Variants in CNBD1 observed in about 807,000 individuals in gnomAD.
CNBD1 encodes the protein cyclic nucleotide-binding domain-containing protein 1.
CNBD1 carries 71 observed loss-of-function variants against 54.4 expected under a neutral mutation model. The observed-to-expected ratio is 1.30, with a 90% CI of 1.08 to 1.59. The LOEUF is 1.59. Ranked by LOEUF, CNBD1 falls within the 40% of genes most tolerant of loss-of-function variation. The pLI is 0.00. For missense variants in CNBD1, 659 were observed against 518.0 expected (o/e 1.27, Z -2.64); for synonymous variants, 182 against 170.7 (o/e 1.07, Z -0.51).
chr8:87,249,497 C>T (rs1052656496), intron 6 of CNBD1, among the ~76,000 whole-genome samples: 1 of 152,060 alleles, frequency 6.6e-6, no homozygotes, highest in African/African-American at 2.4e-5. Context: ...AAAACATTTC[C>T]ACAAAATGCA....
At chr8:87,381,394 A>G (rs1032881122) in intron 10 of CNBD1, among the ~76,000 whole-genome samples, 1 of 152,004 alleles carries the variant, frequency 6.6e-6, no homozygotes, top group Non-Finnish European at 1.5e-5. Flanking sequence ...GTTGACAGGG[A>G]TGTGGAGAAA....
rs577358595 is a variant in CNBD1, at chr8:87,402,583, G to A, written c.214-25963G>A. 1.1e-3 allele frequency among the ~76,000 whole-genome samples: 170 copies of A among 152,114 alleles called. 1 individual carries two copies. Among genetic ancestry groups the A allele is most frequent in the African/African-American group, 2.6e-3 (110 of 41,530 alleles). On this transcript the variant is annotated intron_variant, in intron 2 of 7. Coordinates refer to the CNBD1 transcript ENST00000521593. ...ACAGAGGCAAAATATCAATTGTGTGGGAGTCCAAACTTTATTCATTGTTTC... is the reference window on the plus strand; with the variant it reads ...ACAGAGGCAAAATATCAATTGTGTGAGAGTCCAAACTTTATTCATTGTTTC...
At chr8:87,308,158 T>C (rs1586000480) in intron 8 of CNBD1, among the ~76,000 whole-genome samples, 1 of 152,072 alleles carries the variant, frequency 6.6e-6, no homozygotes, top group African/African-American at 2.4e-5. Context: ...CTGGCTGGAG[T>C]TGGGTTACAT....
At position 87,347,730 on chromosome 8, in the gene CNBD1, A is replaced by G. The variant is rs1810202754; in HGVS notation, c.1043-3955A>G. Reference sequence around the variant, plus strand: ...AATCTGGATAATCTCTTCTTCCTTGATCTGTAGATGGCTCCATAGACATAG... The same window carrying G: ...AATCTGGATAATCTCTTCTTCCTTGGTCTGTAGATGGCTCCATAGACATAG... On this transcript the variant is annotated intron_variant, in intron 8 of 10. Coordinates refer to ENST00000518476, the MANE Select transcript of CNBD1 (RefSeq NM_173538.3). 2.0e-5 allele frequency among the ~76,000 whole-genome samples: 3 copies of G among 152,124 alleles called. No homozygotes were observed. The South Asian group carries it at 6.2e-4, about 31-fold the overall frequency.
At chr8:87,293,861 T>C (rs1254632962) in intron 8 of CNBD1, among the ~76,000 whole-genome samples, 1 of 152,124 alleles carries the variant, frequency 6.6e-6, no homozygotes, top group Non-Finnish European at 1.5e-5. Flanking sequence ...CATAAGCCAA[T>C]ATATGGTTTT....
intron 4 of CNBD1, among the ~76,000 whole-genome samples, chr8:87,087,357 A>G (rs1811121147): frequency 6.7e-6 from 1 of 149,786 alleles, no homozygotes; most frequent in Non-Finnish European, 1.5e-5. Flanking sequence ...GGGGATGAAG[A>G]GAAATCACTG....
intron 6 of CNBD1, among the ~76,000 whole-genome samples, chr8:87,260,059 C>T (rs1357426645): frequency 1.3e-5 from 2 of 152,108 alleles, no homozygotes; most frequent in Non-Finnish European, 1.5e-5. Context: ...AGAATCAAAC[C>T]TCGACTGCCA....
chr8:87,141,333 T>A (rs1311795499), intron 4 of CNBD1, among the ~76,000 whole-genome samples: 1 of 152,158 alleles, frequency 6.6e-6, no homozygotes, highest in African/African-American at 2.4e-5. Context: ...GCATTTGATG[T>A]TGATTTCTAT....
intron 8 of CNBD1, 66 bp from the exon 9 acceptor site, chr8:87,351,619 T>C: frequency 2.2e-6 from 3 of 1,371,244 alleles, no homozygotes; most frequent in East Asian, 5.8e-5. Flanking sequence ...CTTTTGTTGC[T>C]AAAATATCTA....
intron 4 of CNBD1, among the ~76,000 whole-genome samples, chr8:87,160,047 A>G (rs572896256): frequency 1.3e-5 from 2 of 152,144 alleles, no homozygotes; most frequent in East Asian, 1.9e-4. Context: ...ATTCCTAGAT[A>G]TATATACACA....
intron 4 of CNBD1, among the ~76,000 whole-genome samples, chr8:87,005,189 G>T (rs1334153256): frequency 1.3e-5 from 2 of 151,746 alleles, no homozygotes; most frequent in Non-Finnish European, 2.9e-5. Flanking sequence ...CGAGACCATG[G>T]TGAAACCCGG....
rs74493728 is a variant in CNBD1 at position 87,024,950 on chromosome 8, AACTG to A, written c.431+85200_431+85203del. Reference sequence around the variant, plus strand: ...AAAATAACTTTCCTGAGTGCATAGAAACTGACTAAGAATCAGACAAAGAGGCTAA... The same window carrying A: ...AAAATAACTTTCCTGAGTGCATAGAAACTAAGAATCAGACAAAGAGGCTAA... On this transcript the variant is annotated intron_variant, in intron 4 of 10. Transcript: ENST00000518476. 1.7e-3 allele frequency among the ~76,000 whole-genome samples: 266 copies of A among 152,312 alleles called. 7 individuals are homozygous for A. In the East Asian group the frequency reaches 0.043, roughly 24 times the overall value.
chr8:86,943,571 T>C (rs1586152049), intron 4 of CNBD1, among the ~76,000 whole-genome samples: 1 of 151,882 alleles, frequency 6.6e-6, no homozygotes. Context: ...GGGAGAGGCA[T>C]TAAAATCATG....
intron 4 of CNBD1, among the ~76,000 whole-genome samples, chr8:87,002,123 C>G (rs558445532): frequency 2.0e-5 from 3 of 152,250 alleles, no homozygotes; most frequent in South Asian, 4.1e-4. Context: ...TGCCTCTTTT[C>G]TCTCATACCT....
At chr8:86,975,140 G>T (rs1236737873) in intron 4 of CNBD1, among the ~76,000 whole-genome samples, 1 of 151,878 alleles carries the variant, frequency 6.6e-6, no homozygotes, top group Non-Finnish European at 1.5e-5. Flanking sequence ...GTTGTATTTT[G>T]TATGGCTTAC....
intron 8 of CNBD1, among the ~76,000 whole-genome samples, chr8:87,301,162 A>G (rs1808980438): frequency 6.6e-6 from 1 of 152,076 alleles, no homozygotes; most frequent in African/African-American, 2.4e-5. Flanking sequence ...AGAATTAGAT[A>G]CCCTGAACAG....
chr8:86,876,776 T>C (rs1259109421), intron 1 of CNBD1, among the ~76,000 whole-genome samples: 4 of 152,034 alleles, frequency 2.6e-5, no homozygotes, highest in African/African-American at 4.8e-5. Flanking sequence ...TAATATCCTC[T>C]TTTGATTTAA....
At chr8:87,256,644 T>G (rs1808030050) in intron 6 of CNBD1, among the ~76,000 whole-genome samples, 2 of 122,190 alleles carry the variant, frequency 1.6e-5, no homozygotes, top group South Asian at 5.3e-4. Context: ...TCCCCATATC[T>G]AAAGATCAGT....
intron 4 of CNBD1, among the ~76,000 whole-genome samples, chr8:87,116,883 T>C (rs1219009043): frequency 6.6e-6 from 1 of 152,156 alleles, no homozygotes; most frequent in African/African-American, 2.4e-5. Context: ...CCTTTACCTC[T>C]TCAGGGCCCC....
Sources: gnomAD v4.1 joint callset for allele counts (sites outside exome capture counted in the v4.1 genomes callset) on GRCh38, gnomAD v4.1.1 for gene constraint, MANE v1.5 for transcripts, NCBI Gene and HGNC (gene_info 2026-07-23, HGNC 2026-07-21) for gene names.